Variants in CCSER1 observed in about 807,000 individuals in gnomAD.
CCSER1 encodes the protein coiled-coil serine rich protein 1.
A neutral mutation model predicts 82.0 loss-of-function variants in CCSER1; 41 were observed. The ratio of observed to expected loss-of-function variants is 0.50; its 90% confidence interval spans 0.39 to 0.65. The LOEUF (loss-of-function observed/expected upper bound fraction) is 0.65. Ranked by LOEUF, CCSER1 falls within the 30% of genes least tolerant of loss-of-function variation. The pLI is 0.00. For synonymous variants in CCSER1, 414 were observed against 383.9 expected, an observed-to-expected ratio of 1.08 and a Z score of -0.92; for missense variants, 1,119 against 1,064.2, an observed-to-expected ratio of 1.05 and a Z score of -0.72.
At chr4:90,410,615 G>A (rs1156559353) in intron 4 of CCSER1, among the ~76,000 whole-genome samples, 1 of 152,034 alleles carries the variant, frequency 6.6e-6, no homozygotes, top group Non-Finnish European at 1.5e-5. Flanking sequence ...GCATCTCTGG[G>A]ACACATTCAA....
At chr4:91,048,677 G>A (rs372101205) in intron 9 of CCSER1, among the ~76,000 whole-genome samples, 9 of 152,084 alleles carry the variant, frequency 5.9e-5, no homozygotes, top group South Asian at 4.2e-4. Context: ...ACTCATGATC[G>A]GCATATGGCT....
At chr4:90,457,804 G>A (rs1762378789) in intron 4 of CCSER1, among the ~76,000 whole-genome samples, 1 of 152,144 alleles carries the variant, frequency 6.6e-6, no homozygotes, top group African/African-American at 2.4e-5. Context: ...CTAGCATAAA[G>A]GTGAGTCTTC....
chr4:90,609,310 A>G (rs1242787774), intron 5 of CCSER1, among the ~76,000 whole-genome samples: 1 of 152,122 alleles, frequency 6.6e-6, no homozygotes. Flanking sequence ...ATTGGTTTAT[A>G]TATTTGTTTT....
At chr4:91,071,906 G>A (rs1212541838) in intron 9 of CCSER1, among the ~76,000 whole-genome samples, 1 of 152,050 alleles carries the variant, frequency 6.6e-6, no homozygotes, top group African/African-American at 2.4e-5. Context: ...TTCTGAAAGG[G>A]TGTCTTTGAC....
At chr4:91,096,373 C>T (rs1724516970) in intron 10 of CCSER1, among the ~76,000 whole-genome samples, 1 of 152,140 alleles carries the variant, frequency 6.6e-6, no homozygotes, top group Non-Finnish European at 1.5e-5. Context: ...CTGAATCAGA[C>T]AGAACTTTAG....
chr4:91,116,724 A>G (rs1332212016), intron 10 of CCSER1, among the ~76,000 whole-genome samples: 1 of 152,204 alleles, frequency 6.6e-6, no homozygotes, highest in Admixed American at 6.5e-5. Context: ...GGAATAAACT[A>G]TCTAACAGGC....
intron 4 of CCSER1, among the ~76,000 whole-genome samples, chr4:90,417,632 G>GA (rs981894006): frequency 1.3e-5 from 2 of 152,068 alleles, no homozygotes; most frequent in Non-Finnish European, 2.9e-5. Context: ...ATATCCAAAG[G>GA]AAAATGGGGA....
intron 10 of CCSER1, among the ~76,000 whole-genome samples, chr4:91,230,940 A>G (rs1227500475): frequency 1.3e-5 from 2 of 151,884 alleles, no homozygotes; most frequent in African/African-American, 2.4e-5. Context: ...GAATTTTAGA[A>G]TAATGTTAGT....
intron 9 of CCSER1, among the ~76,000 whole-genome samples, chr4:91,046,486 A>G (rs1304935386): frequency 6.6e-6 from 1 of 152,112 alleles, no homozygotes. Context: ...AGTTTCTTGA[A>G]ACACCATTTA....
chr4:90,583,746 A>G (rs1781677819), intron 5 of CCSER1, among the ~76,000 whole-genome samples: 1 of 151,832 alleles, frequency 6.6e-6, no homozygotes, highest in Non-Finnish European at 1.5e-5. Context: ...TTTTAGTTTC[A>G]GCTAAAAACA....
chr4:91,447,634 C>T (rs1755642554), intron 10 of CCSER1, among the ~76,000 whole-genome samples: 1 of 152,092 alleles, frequency 6.6e-6, no homozygotes, highest in African/African-American at 2.4e-5. Context: ...AGATATTTTA[C>T]TTAATGATGA....
At chr4:91,186,658 CACATATTTATTAACA>C (rs1374994738) in intron 10 of CCSER1, among the ~76,000 whole-genome samples, 1 of 152,078 alleles carries the variant, frequency 6.6e-6, no homozygotes, top group African/African-American at 2.4e-5. Flanking sequence ...GAGATTTACC[CACATATTTATTAACA>C]ACAAACCAGT....
At chr4:90,361,581 G>A (rs1745382857) in intron 3 of CCSER1, among the ~76,000 whole-genome samples, 1 of 152,022 alleles carries the variant, frequency 6.6e-6, no homozygotes, top group African/African-American at 2.4e-5. Context: ...TGAAGTTTAG[G>A]GTGCAATTGA....
intron 8 of CCSER1, chr4:90,918,299 G>T (rs571599440): frequency 2.2e-6 from 1 of 451,552 alleles, no homozygotes; most frequent in South Asian, 1.6e-5. Context: ...TTTTCATCTT[G>T]TTGATAAATT....
intron 4 of CCSER1, among the ~76,000 whole-genome samples, chr4:90,442,160 C>A (rs1052866826): frequency 6.6e-6 from 1 of 152,048 alleles, no homozygotes; most frequent in Non-Finnish European, 1.5e-5. Context: ...AAAGTTCTCA[C>A]AACGAGGGGG....
chr4:90,980,578 T>C lies in CCSER1; in HGVS notation c.2172+57131T>C, dbSNP rs570877615. On this transcript the variant is annotated intron_variant, in intron 9 of 10. Transcript: ENST00000509176. ...AACTGGCAGACTAGTTAGGATGATATTGCAGTATTGGGTTGTTGTAATAGC... is the reference window on the plus strand; with the variant it reads ...AACTGGCAGACTAGTTAGGATGATACTGCAGTATTGGGTTGTTGTAATAGC... 2.6e-5 allele frequency among the ~76,000 whole-genome samples: 4 copies of C among 151,916 alleles called. No individual in the cohort carries two copies. In the South Asian group the frequency reaches 6.2e-4, roughly 24 times the overall value.
intron 8 of CCSER1, among the ~76,000 whole-genome samples, chr4:90,903,852 T>A (rs1037326905): frequency 1.7e-4 from 22 of 131,584 alleles, no homozygotes; most frequent in Non-Finnish European, 3.0e-4. Flanking sequence ...AAAAAAAAAA[T>A]AGGTAAGACA....
At chr4:91,296,888 A>C (rs893137433) in intron 10 of CCSER1, among the ~76,000 whole-genome samples, 2 of 151,772 alleles carry the variant, frequency 1.3e-5, no homozygotes, top group African/African-American at 4.8e-5. Context: ...CAGTTTTTAA[A>C]AAGGAATTTT....
chr4:90,769,169 C>T (rs1373225329), intron 7 of CCSER1, among the ~76,000 whole-genome samples: 3 of 152,112 alleles, frequency 2.0e-5, no homozygotes, highest in Non-Finnish European at 4.4e-5. Context: ...ATTGCTCATC[C>T]ATAGAAGTAG....
Sources: gnomAD v4.1 joint callset for allele counts (sites outside exome capture counted in the v4.1 genomes callset) on GRCh38, gnomAD v4.1.1 for gene constraint, MANE v1.5 for transcripts, NCBI Gene and HGNC (gene_info 2026-07-23, HGNC 2026-07-21) for gene names.